DMD: variants seen among roughly 807,000 people sequenced by gnomAD.
DMD encodes the protein dystrophin, also known as mutant dystrophin.
A neutral mutation model predicts 330.1 loss-of-function variants in DMD; 63 were observed. That is an observed-to-expected ratio of 0.19 (90% confidence interval 0.16 to 0.24). The LOEUF (loss-of-function observed/expected upper bound fraction) is 0.24. Ranked by LOEUF, DMD falls within the 10% of genes least tolerant of loss-of-function variation. The probability of loss-of-function intolerance (pLI) is 1.00; values close to 1 mark genes in which losing one functional copy is unlikely to be tolerated. For missense variants in DMD, 3,344 were observed against 2,684.1 expected, an observed-to-expected ratio of 1.25 and a Z score of -5.43; for synonymous variants, 1,223 against 959.8, an observed-to-expected ratio of 1.27 and a Z score of -5.07.
rs776985379 is a variant in DMD, at chrX:31,867,350, C to T, written c.7098+7838G>A. Among the ~76,000 whole-genome samples the T allele has an allele frequency of 1.6e-3, 180 of 109,669 alleles. 3 individuals are homozygous for T. The highest frequency in any genetic ancestry group is 5.7e-3 in the African/African-American group (172 of 30,222). Reference sequence around the variant, plus strand: ...TTTGGAAAGAACTAAAAACTTTTACCGTCATGTGGCCTTCTACATTTATTT... The same window carrying T: ...TTTGGAAAGAACTAAAAACTTTTACTGTCATGTGGCCTTCTACATTTATTT... On this transcript the variant is annotated intron_variant, in intron 48 of 78. Coordinates refer to ENST00000357033, the MANE Select transcript of DMD (RefSeq NM_004006.3).
At chrX:31,403,115 T>C (rs933162390) in intron 60 of DMD, among the ~76,000 whole-genome samples, 1 of 112,171 alleles carries the variant, frequency 8.9e-6, no homozygotes, top group Admixed American at 9.5e-5. Flanking sequence ...TTGAAAGCTT[T>C]TGCAAAAAGC....
chrX:33,018,231 G>T (rs553883377), intron 2 of DMD, among the ~76,000 whole-genome samples: 1 of 111,634 alleles, frequency 9.0e-6, no homozygotes. Context: ...TTCTGTACTT[G>T]AAAGAATGGT....
chrX:31,549,163 T>C, intron 55 of DMD, among the ~76,000 whole-genome samples: 1 of 110,655 alleles, frequency 9.0e-6, no homozygotes, highest in Non-Finnish European at 1.9e-5. Context: ...AGAGAGCAAA[T>C]AGTTAAGTAC....
chrX:32,955,093 T>C (rs2091492323), intron 2 of DMD, among the ~76,000 whole-genome samples: 2 of 112,047 alleles, frequency 1.8e-5, no homozygotes, highest in African/African-American at 6.5e-5. Flanking sequence ...TATTTCTGTC[T>C]GTAGGTCTTT....
chrX:31,165,440 G>A, intron 74 of DMD, among the ~76,000 whole-genome samples: 1 of 111,858 alleles, frequency 8.9e-6, no homozygotes, highest in South Asian at 3.8e-4. Context: ...TTGTTGACTT[G>A]AGAACAATCT....
At chrX:31,599,521 T>A (rs2077252149) in intron 55 of DMD, among the ~76,000 whole-genome samples, 1 of 112,351 alleles carries the variant, frequency 8.9e-6, no homozygotes, top group African/African-American at 3.2e-5. Flanking sequence ...ATTCCTAAAA[T>A]TATTTCTTCC....
At chrX:32,995,665 A>C (rs1355811454) in intron 2 of DMD, among the ~76,000 whole-genome samples, 1 of 112,381 alleles carries the variant, frequency 8.9e-6, no homozygotes, top group Admixed American at 9.5e-5. Flanking sequence ...AGGTCTATTC[A>C]TAGACTTGTA....
chrX:33,335,333 A>G (rs771866923), intron 1 of DMD, among the ~76,000 whole-genome samples: 5 of 108,464 alleles, frequency 4.6e-5, no homozygotes, highest in African/African-American at 1.7e-4. Flanking sequence ...CATTTTTTTC[A>G]TTTCCTTTTT....
chrX:31,511,736 T>C (rs1345273792), intron 55 of DMD, among the ~76,000 whole-genome samples: 4 of 108,387 alleles, frequency 3.7e-5, no homozygotes, highest in Admixed American at 2.0e-4. Context: ...TCTATCACTG[T>C]TGGACATTTG....
Position 31,499,489 on chromosome X carries a change from C to CTTT in DMD, c.8391-2548_8391-2546dup, listed in dbSNP as rs774151183. ...TAACTGAGACCTAGGGAATTCAGTT[C>CTTT]TTTTTTTTTTTTTTTTTTGGTGAGA... On this transcript the variant is annotated intron_variant, in intron 56 of 78. Coordinates refer to ENST00000357033, the MANE Select transcript of DMD (RefSeq NM_004006.3). Among the ~76,000 whole-genome samples the CTTT allele has an allele frequency of 1.6e-3, 131 of 83,658 alleles. 3 individuals are homozygous for CTTT. Among genetic ancestry groups the CTTT allele is most frequent in the East Asian group, 0.01 (26 of 2,518 alleles). 72.6% of individuals were successfully genotyped at this position (83,658 alleles called of 115,157 possible). A position where few individuals can be genotyped will look rare whatever the true frequency, so the allele number is the denominator to read the frequency against.
intron 44 of DMD, among the ~76,000 whole-genome samples, chrX:32,207,891 C>G (rs1357788187): frequency 1.8e-5 from 2 of 111,395 alleles, no homozygotes; most frequent in African/African-American, 6.5e-5. Flanking sequence ...ATACATACAA[C>G]AGCCATAAAT....
intron 55 of DMD, among the ~76,000 whole-genome samples, chrX:31,522,989 C>G (rs1196524600): frequency 1.8e-5 from 2 of 111,376 alleles, no homozygotes; most frequent in Non-Finnish European, 3.8e-5. Flanking sequence ...CATCATGCAT[C>G]AGTAGTTCCC....
At chrX:32,302,612 T>C (rs979379333) in intron 42 of DMD, among the ~76,000 whole-genome samples, 1 of 111,849 alleles carries the variant, frequency 8.9e-6, no homozygotes, top group African/African-American at 3.2e-5. Flanking sequence ...AAGATATAAA[T>C]ATGCAATTTT....
intron 1 of DMD, among the ~76,000 whole-genome samples, chrX:33,237,158 G>T (rs2052499079): frequency 9.4e-6 from 1 of 105,885 alleles, no homozygotes; most frequent in South Asian, 4.3e-4. Flanking sequence ...GCACGCCATT[G>T]GTTTCCTCCC....
At chrX:32,637,748 A>G (rs1244224332) in intron 11 of DMD, among the ~76,000 whole-genome samples, 1 of 111,540 alleles carries the variant, frequency 9.0e-6, no homozygotes, top group Non-Finnish European at 1.9e-5. Context: ...GGCCCCTTAT[A>G]AAACCATCAG....
intron 44 of DMD, among the ~76,000 whole-genome samples, chrX:32,200,468 C>T (rs971892056): frequency 1.1e-4 from 12 of 110,754 alleles, no homozygotes; most frequent in African/African-American, 3.0e-4. Flanking sequence ...ACATATGTAA[C>T]GTGTTATATA....
intron 2 of DMD, among the ~76,000 whole-genome samples, chrX:32,879,013 A>G (rs1389588054): frequency 9.6e-6 from 1 of 104,558 alleles, no homozygotes; most frequent in Non-Finnish European, 2.0e-5. Context: ...GTCTCAAAAA[A>G]AAAACAAAAA....
At chrX:32,873,626 C>T (rs1388978095) in intron 2 of DMD, among the ~76,000 whole-genome samples, 1 of 111,772 alleles carries the variant, frequency 8.9e-6, no homozygotes, top group Admixed American at 9.5e-5. Context: ...TCTCAGCACT[C>T]ACAGTCCCCT....
At chrX:33,050,440 C>T (rs1297488606) in intron 1 of DMD, among the ~76,000 whole-genome samples, 1 of 111,295 alleles carries the variant, frequency 9.0e-6, no homozygotes, top group Non-Finnish European at 1.9e-5. Context: ...AGCAAAAATA[C>T]CGCTGGAAAA....
Sources: gnomAD v4.1 joint callset for allele counts (sites outside exome capture counted in the v4.1 genomes callset) on GRCh38, gnomAD v4.1.1 for gene constraint, MANE v1.5 for transcripts, NCBI Gene and HGNC (gene_info 2026-07-23, HGNC 2026-07-21) for gene names.